The following DPP6 variants were observed in gnomAD, a reference collection of about 807,000 sequenced individuals.
DPP6 encodes dipeptidyl peptidase like 6, also known as A-type potassium channel modulatory protein DPP6.
In DPP6, 69 loss-of-function variants were observed where a neutral mutation model predicts 122.6. The ratio of observed to expected loss-of-function variants is 0.56; its 90% CI spans 0.46 to 0.69. The LOEUF (loss-of-function observed/expected upper bound fraction) is 0.69, where lower values mean the gene tolerates loss of function less well. Among genes scored for constraint, DPP6 ranks in the 30% least tolerant of loss-of-function variants. The pLI is 0.00. For synonymous variants in DPP6, 418 were observed against 433.1 expected, an observed-to-expected ratio of 0.97 and a Z score of 0.43; for missense variants, 928 against 1,116.9, an observed-to-expected ratio of 0.83 and a Z score of 2.41.
intron 1 of DPP6, among the ~76,000 whole-genome samples, chr7:154,019,444 T>C (rs1798594148): frequency 6.6e-6 from 1 of 151,592 alleles, no homozygotes; most frequent in South Asian, 2.1e-4. Flanking sequence ...CTCTCTCTCT[T>C]CCTTCCCTCC....
chr7:154,431,451 CTTTT>C (rs1818370898), intron 1 of DPP6, among the ~76,000 whole-genome samples: 3 of 14,968 alleles, frequency 2.0e-4, no homozygotes, highest in Non-Finnish European at 4.9e-4. Context: ...CCTTTCTTTT[CTTTT>C]CTTTTCTTTT....
At chr7:153,963,372 A>G (rs2129029153) in intron 1 of DPP6, among the ~76,000 whole-genome samples, 1 of 149,014 alleles carries the variant, frequency 6.7e-6, no homozygotes, top group African/African-American at 2.4e-5. Context: ...GGAAGGAAGC[A>G]CCAAAGTAAA....
At chr7:154,133,057 C>G (rs1298097381) in intron 1 of DPP6, among the ~76,000 whole-genome samples, 2 of 151,994 alleles carry the variant, frequency 1.3e-5, no homozygotes, top group Non-Finnish European at 2.9e-5. Flanking sequence ...TCTTTTGTCA[C>G]TAGCAGTGAT....
intron 1 of DPP6, among the ~76,000 whole-genome samples, chr7:154,113,430 CAT>C (rs1324750446): frequency 3.0e-4 from 45 of 149,620 alleles, no homozygotes; most frequent in African/African-American, 9.3e-4. Context: ...CACACACACA[CAT>C]ACACACAACA....
intron 1 of DPP6, among the ~76,000 whole-genome samples, chr7:154,029,357 A>C (rs1167579718): frequency 6.6e-6 from 1 of 150,792 alleles, no homozygotes. Context: ...TCTACTAAAA[A>C]TACAAAAAAA....
chr7:154,572,371 A>G (rs1475277166), intron 5 of DPP6, among the ~76,000 whole-genome samples: 1 of 152,126 alleles, frequency 6.6e-6, no homozygotes, highest in Non-Finnish European at 1.5e-5. Context: ...AATTAATTTT[A>G]AAAAATAACT....
At chr7:154,287,984 T>C (rs1804962601) in intron 1 of DPP6, among the ~76,000 whole-genome samples, 1 of 152,088 alleles carries the variant, frequency 6.6e-6, no homozygotes, top group Admixed American at 6.5e-5. Flanking sequence ...CCGGTAAAAA[T>C]GGGGCAAAAG....
chr7:154,033,269 T>C (rs1799351553), intron 1 of DPP6, among the ~76,000 whole-genome samples: 1 of 152,212 alleles, frequency 6.6e-6, no homozygotes, highest in African/African-American at 2.4e-5. Context: ...CATACTTGGC[T>C]TATGTCTGCT....
At chr7:154,239,816 T>C (rs1405205739) in intron 1 of DPP6, among the ~76,000 whole-genome samples, 6 of 80,968 alleles carry the variant, frequency 7.4e-5, no homozygotes, top group Admixed American at 3.6e-4. Flanking sequence ...CTACTAAAAC[T>C]ACAAAAAAAA....
chr7:154,610,792 C>G (rs1252012224), intron 5 of DPP6, among the ~76,000 whole-genome samples: 1 of 150,164 alleles, frequency 6.7e-6, no homozygotes, highest in East Asian at 2.0e-4. Flanking sequence ...TTCTCTTATT[C>G]TTTTCCCAGG....
intron 1 of DPP6, among the ~76,000 whole-genome samples, chr7:154,248,078 C>T (rs187166772): frequency 3.0e-4 from 45 of 152,200 alleles, no homozygotes; most frequent in Admixed American, 1.8e-3. Flanking sequence ...TGCCTTCTCA[C>T]GGTGTTCTCA....
intron 1 of DPP6, among the ~76,000 whole-genome samples, chr7:153,918,427 AACACACACACACACACAC>A (rs5888535): frequency 4.5e-5 from 5 of 110,842 alleles, no homozygotes; most frequent in African/African-American, 7.4e-5. Context: ...AGTTAATTAA[AACACACACACACACACAC>A]ACACACACAC....
chr7:154,723,188 A>AGCC (rs1346912610), intron 7 of DPP6, among the ~76,000 whole-genome samples: 62 of 152,220 alleles, frequency 4.1e-4, no homozygotes, highest in Non-Finnish European at 7.1e-4. Flanking sequence ...AGCCCAGGAA[A>AGCC]CAGGTTTACA....
At chr7:154,777,802 C>G (rs369362600) in intron 10 of DPP6, among the ~76,000 whole-genome samples, 123 of 152,268 alleles carry the variant, frequency 8.1e-4, no homozygotes, top group African/African-American at 2.6e-3. Context: ...CAAAACCAAC[C>G]ATGTCCCTGA....
chr7:153,868,113 T>C, the DPP6 span, among the ~76,000 whole-genome samples: 166 of 152,208 alleles, frequency 1.1e-3, 1 homozygote, highest in South Asian at 7.3e-3. Context: ...TAAAATTCTC[T>C]TTTTTGGTTG....
At chr7:154,887,290 T>C (rs559631535) in intron 22 of DPP6, among the ~76,000 whole-genome samples, 2 of 152,324 alleles carry the variant, frequency 1.3e-5, no homozygotes, top group Admixed American at 1.3e-4. Context: ...GCCTGGACTT[T>C]TTAAAAAATA....
chr7:154,082,846 C>CT lies in DPP6; in HGVS notation c.243+29803dup, dbSNP rs1174987723. 6.0e-3 allele frequency among the ~76,000 whole-genome samples: 635 copies of CT among 106,228 alleles called. 5 individuals are homozygous for CT. The highest frequency in any genetic ancestry group is 0.016 in the African/African-American group (396 of 24,926). 69.7% of individuals were successfully genotyped at this position (106,228 alleles called of 152,430 possible). A position where few individuals can be genotyped will look rare whatever the true frequency, so the allele number is the denominator to read the frequency against. On this transcript the variant is annotated intron_variant, in intron 1 of 25. Coordinates refer to ENST00000377770, the MANE Select transcript of DPP6 (RefSeq NM_130797.4). ...CTGTGTGTGCCTATCTTTTCTTTTT[C>CT]TTTTTTTTTTTTTTTTTTTTGAGAT...
chr7:154,032,682 CAG>C (rs1198806339), intron 1 of DPP6, among the ~76,000 whole-genome samples: 1 of 152,074 alleles, frequency 6.6e-6, no homozygotes, highest in Non-Finnish European at 1.5e-5. Context: ...TATATTTAAA[CAG>C]AAGATTCTGA....
chr7:153,892,515 C>T (rs1443619499), intron 1 of DPP6, among the ~76,000 whole-genome samples: 2 of 152,000 alleles, frequency 1.3e-5, no homozygotes, highest in African/African-American at 2.4e-5. Context: ...GGTTTTGCCA[C>T]GTTGGTCAGG....
Sources: allele counts gnomAD v4.1 joint callset (sites outside exome capture counted in the v4.1 genomes callset), GRCh38; gene constraint gnomAD v4.1.1; transcripts MANE v1.5; gene names NCBI Gene and HGNC (gene_info 2026-07-23, HGNC 2026-07-21).